PDZD2: variants seen among roughly 807,000 people sequenced by gnomAD.
PDZD2 encodes the protein PDZ domain containing 2, also known as PDZ domain-containing protein 2.
A neutral mutation model predicts 220.7 loss-of-function variants in PDZD2; 90 were observed. That is an observed-to-expected ratio of 0.41 (90% confidence interval 0.34 to 0.49). The LOEUF (loss-of-function observed/expected upper bound fraction) is 0.49, where lower values mean the gene tolerates loss of function less well. PDZD2 is among the 20% of genes least tolerant of loss of function. The pLI is 0.28. For missense variants in PDZD2, 3,174 were observed against 3,608.5 expected (o/e 0.88, Z 3.08); for synonymous variants, 1,375 against 1,450.5 (o/e 0.95, Z 1.18).
chr5:31,889,170 TTGAAATC>T (rs1740787611), intron 2 of PDZD2, among the ~76,000 whole-genome samples: 1 of 152,224 alleles, frequency 6.6e-6, no homozygotes. Flanking sequence ...ACCCAGCCAC[TTGAAATC>T]TGAAGTGTCA....
At chr5:31,884,551 G>A (rs1740248343) in intron 2 of PDZD2, among the ~76,000 whole-genome samples, 1 of 152,116 alleles carries the variant, frequency 6.6e-6, no homozygotes, top group African/African-American at 2.4e-5. Context: ...ACTCCAGAAA[G>A]GATTCTACTG....
chr5:31,659,093 A>G (rs1394673699), intron 1 of PDZD2, among the ~76,000 whole-genome samples: 2 of 151,932 alleles, frequency 1.3e-5, no homozygotes, highest in African/African-American at 2.4e-5. Flanking sequence ...ATGAAACTCT[A>G]TTCTCCTGGC....
chr5:32,084,382 C>G (rs953606712), intron 19 of PDZD2, among the ~76,000 whole-genome samples: 3 of 152,234 alleles, frequency 2.0e-5, no homozygotes, highest in African/African-American at 7.2e-5. Flanking sequence ...CACGCTGTTT[C>G]TCCGTCCTCA....
At chr5:31,735,093 T>C (rs1749771575) in intron 1 of PDZD2, among the ~76,000 whole-genome samples, 2 of 152,300 alleles carry the variant, frequency 1.3e-5, no homozygotes, top group East Asian at 3.9e-4. Flanking sequence ...TTGCCCAGCG[T>C]TGAACCCTCC....
At chr5:31,932,377 C>T (rs1339137703) in intron 2 of PDZD2, among the ~76,000 whole-genome samples, 2 of 151,978 alleles carry the variant, frequency 1.3e-5, no homozygotes, top group African/African-American at 2.4e-5. Context: ...GGTGAAACTC[C>T]GTCTCTACTA....
rs371329370 is a variant in PDZD2 at position 32,074,495 on chromosome 5, G to A, written c.3389G>A (p.Arg1130Lys). The change falls in exon 18 of 25, where the codon AGA becomes AAA. Residue 1130 changes from arginine (R) to lysine (K), a missense_variant. By Grantham distance (26) the Arg-to-Lys change is conservative (BLOSUM62 2). Around this residue, in one of 4 missense-constraint regions of PDZD2, gnomAD observed 1,861 missense variants for 2,001.0 expected, o/e 0.93. Coordinates refer to ENST00000438447, the MANE Select transcript of PDZD2 (RefSeq NM_178140.4). Reference sequence around the variant, plus strand: ...GCCAGGGTAAGCCCCCACTGCAAGAGATCCGAGGCTGAGGCCAAGCCCAGT... The same window carrying A: ...GCCAGGGTAAGCCCCCACTGCAAGAAATCCGAGGCTGAGGCCAAGCCCAGT... ...PVARVSPHCK[R>K]SEAEAKPSGS... The A allele has an allele frequency of 1.9e-6, 3 of 1,614,012 alleles. No homozygotes were observed. The highest frequency in any genetic ancestry group is 2.5e-6 in the Non-Finnish European group (3 of 1,179,954).
chr5:32,105,133 C>CAA (rs143261997), intron 24 of PDZD2, among the ~76,000 whole-genome samples: 1 of 146,930 alleles, frequency 6.8e-6, no homozygotes, highest in African/African-American at 2.5e-5. Context: ...GACCTTGTCT[C>CAA]AAAAAAAAAC....
chr5:31,739,582 A>G (rs1324590734), intron 1 of PDZD2, among the ~76,000 whole-genome samples: 1 of 152,226 alleles, frequency 6.6e-6, no homozygotes, highest in Non-Finnish European at 1.5e-5. Flanking sequence ...AATAAAAAAA[A>G]GATAAACTTT....
intron 6 of PDZD2, among the ~76,000 whole-genome samples, chr5:32,029,038 A>G (rs1240790984): frequency 6.6e-6 from 1 of 152,118 alleles, no homozygotes. Flanking sequence ...CTGGAAAAAG[A>G]TTGTGTTTTT....
At chr5:32,042,183 A>G (rs1381086413) in intron 7 of PDZD2, among the ~76,000 whole-genome samples, 1 of 151,564 alleles carries the variant, frequency 6.6e-6, no homozygotes, top group Non-Finnish European at 1.5e-5. Context: ...AATGGCATGA[A>G]TCCAGGAGGC....
chr5:31,938,376 A>C (rs896557999), intron 2 of PDZD2, among the ~76,000 whole-genome samples: 27 of 152,210 alleles, frequency 1.8e-4, no homozygotes, highest in African/African-American at 6.5e-4. Context: ...GGGTAGATTC[A>C]GGAGTTAGGA....
chr5:32,107,654 T>C lies in PDZD2; in HGVS notation c.8354-315T>C, dbSNP rs575782355. Reference sequence around the variant, plus strand: ...ACCCCAACTTTATTTTGTGTTATTCTTGTTGACTTGTAGCTCTTTAGTCTG... The same window carrying C: ...ACCCCAACTTTATTTTGTGTTATTCCTGTTGACTTGTAGCTCTTTAGTCTG... On this transcript the variant is annotated intron_variant, in intron 24 of 24. Transcript: ENST00000438447. 1.2e-4 allele frequency among the ~76,000 whole-genome samples: 18 copies of C among 152,374 alleles called. No homozygotes were observed. In the South Asian group the frequency reaches 3.7e-3, roughly 32 times the overall value.
intron 6 of PDZD2, among the ~76,000 whole-genome samples, chr5:32,024,735 G>A (rs1445882677): frequency 3.3e-5 from 5 of 152,034 alleles, no homozygotes; most frequent in Non-Finnish European, 2.9e-5. Flanking sequence ...CGTGGGGTTT[G>A]GCACATATGC....
At position 32,057,875 on chromosome 5, in the gene PDZD2, C is replaced by T; in HGVS notation, c.1975-3C>T. On this transcript the variant is annotated splice_polypyrimidine_tract_variant and splice_region_variant and intron_variant, in intron 11 of 24. Transcript: ENST00000438447. ...AGCCCACCTTTCCTCACTGTTTTCT[C>T]AGCAAATCCGGAGTGGATTATTTGT... 2 of 1,597,948 alleles carry T rather than the reference C, an allele frequency of 1.3e-6. No homozygotes were observed. The highest frequency in any genetic ancestry group is 1.7e-6 in the Non-Finnish European group (2 of 1,169,578).
intron 5 of PDZD2, among the ~76,000 whole-genome samples, chr5:32,003,054 CCA>C (rs1390179534): frequency 9.6e-5 from 13 of 134,958 alleles, no homozygotes; most frequent in South Asian, 2.4e-4. Context: ...ACTACACACA[CCA>C]CACACACATC....
At chr5:32,039,123 C>A (rs1013830171) in intron 7 of PDZD2, among the ~76,000 whole-genome samples, 1 of 151,912 alleles carries the variant, frequency 6.6e-6, no homozygotes, top group Non-Finnish European at 1.5e-5. Context: ...TCCCTCTCTC[C>A]TTTCTACGGT....
chr5:31,809,546 C>T (rs899743845), intron 2 of PDZD2, among the ~76,000 whole-genome samples: 1 of 152,126 alleles, frequency 6.6e-6, no homozygotes, highest in Non-Finnish European at 1.5e-5. Context: ...CTCAGCTCTT[C>T]GTGATGGATG....
chr5:31,882,037 T>C (rs1739976307), intron 2 of PDZD2, among the ~76,000 whole-genome samples: 1 of 152,278 alleles, frequency 6.6e-6, no homozygotes. Flanking sequence ...TTATATTTAA[T>C]AGTGCTTAGT....
At chr5:32,053,944 C>G in intron 10 of PDZD2, 61 bp downstream of exon 10, 1 of 965,836 alleles carries the variant, frequency 1.0e-6, no homozygotes, top group Non-Finnish European at 1.7e-6. Flanking sequence ...GAATCTGCCT[C>G]TTCACAAGAT....
Sources: allele counts gnomAD v4.1 joint callset (sites outside exome capture counted in the v4.1 genomes callset), GRCh38; gene constraint gnomAD v4.1.1; regional missense constraint gnomAD v4.1.1; transcripts MANE v1.5; gene names NCBI Gene and HGNC (gene_info 2026-07-23, HGNC 2026-07-21).